UEVLD: variants seen among roughly 807,000 people sequenced by gnomAD.
UEVLD encodes the protein UEV and lactate/malate dehyrogenase domains.
UEVLD carries 47 observed loss-of-function variants against 58.6 expected under a neutral mutation model. The ratio of observed to expected loss-of-function variants is 0.80; its 90% CI spans 0.63 to 1.02. The LOEUF (loss-of-function observed/expected upper bound fraction) is 1.02. UEVLD is among the 50% of genes least tolerant of loss of function. UEVLD has a pLI of 0.00. For missense variants in UEVLD, 510 were observed against 550.6 expected (o/e 0.93, Z 0.74); for synonymous variants, 197 against 195.3 (o/e 1.01, Z -0.07).
Position 18,570,257 on chromosome 11 carries a change from G to A in UEVLD, c.314C>T (p.Ala105Val), listed in dbSNP as rs766974372. 1.9e-6 allele frequency: 3 copies of A among 1,607,144 alleles called. No individual in the cohort carries two copies. The African/African-American group carries it at 4.0e-5, about 22-fold the overall frequency. The part of the protein sequence containing the change: ...MGILVGKHVD[A>V]QGRIYLPYLQ... ...ATAGGGCAAATATATTCTGCCTTGA[G>A]CATCCACATGTTTTCCGACTAAGAT... Residue 105 changes from alanine (A) to valine (V), a missense_variant, in exon 4 of 12, where the codon GCT becomes GTT. Coordinates refer to ENST00000396197, the MANE Select transcript of UEVLD (RefSeq NM_001040697.4).
At chr11:18,563,456 T>C (rs906841460) in intron 6 of UEVLD, among the ~76,000 whole-genome samples, 6 of 152,058 alleles carry the variant, frequency 3.9e-5, no homozygotes, top group African/African-American at 1.4e-4. Flanking sequence ...GTGGGGATGG[T>C]TGCTGGCGCC....
chr11:18,566,491 T>C lies in UEVLD; in HGVS notation c.358-9A>G, dbSNP rs1253802653. 1.9e-6 allele frequency: 3 copies of C among 1,611,228 alleles called. No individual in the cohort carries two copies. Among genetic ancestry groups the C allele is most frequent in the Non-Finnish European group, 2.5e-6 (3 of 1,179,308 alleles). On this transcript the variant is annotated splice_polypyrimidine_tract_variant and intron_variant, in intron 4 of 11. Coordinates refer to ENST00000396197, the MANE Select transcript of UEVLD (RefSeq NM_001040697.4). ...ACAATGACAGATTTAGGCTGTAGAA[T>C]ACACAAAAAACAGAAAAGTTACACA...
At chr11:18,545,074 A>ATATTTTTT (rs1345787784) in intron 8 of UEVLD, among the ~76,000 whole-genome samples, 3 of 84,568 alleles carry the variant, frequency 3.5e-5, no homozygotes, top group Admixed American at 1.2e-4. Flanking sequence ...CTATATCTAT[A>ATATTTTTT]TTTTTTTTTT....
intron 7 of UEVLD, among the ~76,000 whole-genome samples, chr11:18,547,557 A>T (rs1851354683): frequency 6.6e-6 from 1 of 152,192 alleles, no homozygotes; most frequent in Non-Finnish European, 1.5e-5. Context: ...CCAGGGGGGA[A>T]GATAGCAATA....
At chr11:18,535,117 A>G (rs1170907578) in intron 10 of UEVLD, among the ~76,000 whole-genome samples, 4 of 152,212 alleles carry the variant, frequency 2.6e-5, no homozygotes, top group African/African-American at 9.6e-5. Context: ...GATAGCATAA[A>G]TCTATATTAT....
At chr11:18,539,336 G>A (rs1054996158) in intron 9 of UEVLD, 4 of 151,786 alleles carry the variant, frequency 2.6e-5, no homozygotes, top group African/African-American at 7.3e-5. Flanking sequence ...CAAAGTGCTA[G>A]GATTATAGGC....
intron 3 of UEVLD, among the ~76,000 whole-genome samples, chr11:18,573,071 GA>G (rs1565137336): frequency 1.3e-5 from 2 of 152,058 alleles, no homozygotes; most frequent in Non-Finnish European, 2.9e-5. Context: ...TGTAATGCAG[GA>G]AAAAAAGGTG....
At chr11:18,557,090 CA>C (rs550382014) in intron 7 of UEVLD, among the ~76,000 whole-genome samples, 25,693 of 83,210 alleles carry the variant, frequency 0.31, 2,294 homozygotes, top group East Asian at 0.37. Flanking sequence ...AACCCCGACT[CA>C]AAAAAAAAAA....
At chr11:18,537,127 C>G (rs1417242570) in intron 9 of UEVLD, among the ~76,000 whole-genome samples, 2 of 151,530 alleles carry the variant, frequency 1.3e-5, no homozygotes, top group African/African-American at 4.8e-5. Context: ...TCTTGAACTC[C>G]TGACCTCGTA....
intron 7 of UEVLD, among the ~76,000 whole-genome samples, chr11:18,555,231 C>T (rs1409410108): frequency 1.3e-5 from 2 of 152,006 alleles, no homozygotes; most frequent in Non-Finnish European, 2.9e-5. Context: ...TCAAGACCAT[C>T]CTAGCTAACA....
intron 6 of UEVLD, among the ~76,000 whole-genome samples, chr11:18,564,180 ATG>A (rs1274231288): frequency 6.6e-6 from 1 of 152,144 alleles, no homozygotes; most frequent in Non-Finnish European, 1.5e-5. Context: ...TCCAAGACAT[ATG>A]TGAGTCTTAA....
Position 18,544,807 on chromosome 11 carries a change from C to T in UEVLD, c.887-11G>A, listed in dbSNP as rs369543328. ...AGGTCATGATTTCCACTAAATATTGCATACAAGGTAAAAAATGTAAAGGTT... is the reference window on the plus strand; with the variant it reads ...AGGTCATGATTTCCACTAAATATTGTATACAAGGTAAAAAATGTAAAGGTT... On this transcript the variant is annotated splice_polypyrimidine_tract_variant and intron_variant, in intron 8 of 11. Coordinates refer to ENST00000396197, the MANE Select transcript of UEVLD (RefSeq NM_001040697.4). 21 of 1,509,394 alleles carry T rather than the reference C, an allele frequency of 1.4e-5. No individual in the cohort carries two copies. The highest frequency in any genetic ancestry group is 1.8e-4 in the Middle Eastern group (1 of 5,632). 93.5% of individuals were successfully genotyped at this position (1,509,394 alleles called of 1,614,324 possible).
At chr11:18,585,796 C>T (rs557852875) in intron 1 of UEVLD, among the ~76,000 whole-genome samples, 50 of 152,188 alleles carry the variant, frequency 3.3e-4, no homozygotes, top group Middle Eastern at 3.4e-3. Flanking sequence ...CACCACCATG[C>T]CCAGTTTTTA....
chr11:18,547,440 G>C (rs1565115798), intron 7 of UEVLD, among the ~76,000 whole-genome samples: 1 of 152,192 alleles, frequency 6.6e-6, no homozygotes. Context: ...CAGAGATTCA[G>C]TTGAACCCAG....
chr11:18,571,056 G>T (rs1852583746), intron 3 of UEVLD, among the ~76,000 whole-genome samples: 3 of 152,040 alleles, frequency 2.0e-5, no homozygotes, highest in Admixed American at 6.6e-5. Flanking sequence ...GAAAAGGAAA[G>T]AAATGTCTAT....
intron 7 of UEVLD, among the ~76,000 whole-genome samples, chr11:18,555,085 T>C (rs1590336045): frequency 6.7e-6 from 1 of 150,126 alleles, no homozygotes; most frequent in African/African-American, 2.5e-5. Flanking sequence ...AATCCAGGAG[T>C]TCAAGACCAA....
At chr11:18,586,251 G>A (rs1853554033) in intron 1 of UEVLD, among the ~76,000 whole-genome samples, 1 of 151,920 alleles carries the variant, frequency 6.6e-6, no homozygotes. Flanking sequence ...GTCTCCCTCT[G>A]TTGCCCAGGC....
intron 10 of UEVLD, among the ~76,000 whole-genome samples, chr11:18,534,792 A>T (rs1298355283): frequency 1.3e-5 from 2 of 152,254 alleles, no homozygotes; most frequent in Non-Finnish European, 2.9e-5. Context: ...GAAACTGTAA[A>T]CAGGCATTCT....
At chr11:18,533,631 C>CT (rs1405061351) in intron 11 of UEVLD, among the ~76,000 whole-genome samples, 1 of 152,178 alleles carries the variant, frequency 6.6e-6, no homozygotes, top group Non-Finnish European at 1.5e-5. Context: ...TATATAAACA[C>CT]TATTTGGGGG....
Sources: gnomAD v4.1 joint callset for allele counts (sites outside exome capture counted in the v4.1 genomes callset) on GRCh38, gnomAD v4.1.1 for gene constraint, MANE v1.5 for transcripts, NCBI Gene and HGNC (gene_info 2026-07-23, HGNC 2026-07-21) for gene names.